The following PTPRD variants were observed in gnomAD, a reference collection of about 807,000 sequenced individuals.
PTPRD encodes protein tyrosine phosphatase receptor type D, also known as receptor-type tyrosine-protein phosphatase delta.
In PTPRD, 34 loss-of-function variants were observed where a neutral mutation model predicts 214.5. The observed-to-expected ratio is 0.16, with a 90% CI of 0.12 to 0.21. PTPRD has a LOEUF of 0.21. Among genes scored for constraint, PTPRD ranks in the 10% least tolerant of loss-of-function variants. PTPRD has a pLI of 1.00. For synonymous variants in PTPRD, 1,128 were observed against 845.7 expected, an observed-to-expected ratio of 1.33 and a Z score of -5.79; for missense variants, 2,545 against 2,398.7, an observed-to-expected ratio of 1.06 and a Z score of -1.27.
chr9:9,971,314 A>G (rs1447472595), intron 4 of PTPRD, among the ~76,000 whole-genome samples: 2 of 152,226 alleles, frequency 1.3e-5, no homozygotes, highest in Non-Finnish European at 2.9e-5. Context: ...GGTCTGGAGT[A>G]GAAACCAGGT....
rs182084258 is a variant in PTPRD at position 9,823,428 on chromosome 9, A to G, written c.-367-56577T>C. On this transcript the variant is annotated intron_variant, in intron 5 of 45. Transcript: ENST00000381196. Reference sequence around the variant, plus strand: ...CACAAGCCTGGAGGGATCTGTCCCCATGACCCAAACACCTCCCACTAGGCC... The same window carrying G: ...CACAAGCCTGGAGGGATCTGTCCCCGTGACCCAAACACCTCCCACTAGGCC... Among the ~76,000 whole-genome samples the G allele has an allele frequency of 3.1e-3, 470 of 152,238 alleles. 1 individual carries two copies. The highest frequency in any genetic ancestry group is 5.1e-3 in the Non-Finnish European group (349 of 68,008).
intron 4 of PTPRD, among the ~76,000 whole-genome samples, chr9:9,960,333 A>C (rs917710404): frequency 5.9e-5 from 9 of 152,122 alleles, no homozygotes; most frequent in African/African-American, 2.2e-4. Flanking sequence ...GTGATGAGGA[A>C]AACAACCCAC....
At chr9:10,217,637 A>G (rs1266347324) in intron 3 of PTPRD, among the ~76,000 whole-genome samples, 1 of 151,958 alleles carries the variant, frequency 6.6e-6, no homozygotes, top group South Asian at 2.1e-4. Flanking sequence ...AGAGGAAAAA[A>G]TGAAATTTAA....
At chr9:9,406,290 C>T (rs549935497) in intron 8 of PTPRD, among the ~76,000 whole-genome samples, 9 of 152,030 alleles carry the variant, frequency 5.9e-5, no homozygotes, top group African/African-American at 1.9e-4. Context: ...CTTCTTTTGT[C>T]TCTGTCTTTC....
chr9:9,416,889 T>C (rs1391735152), intron 8 of PTPRD, among the ~76,000 whole-genome samples: 1 of 151,784 alleles, frequency 6.6e-6, no homozygotes, highest in African/African-American at 2.4e-5. Flanking sequence ...TTTTCAGATG[T>C]TCACTGGGAA....
rs1470976442 is a variant in PTPRD, at chr9:10,272,494, C to G, written c.-545+68469G>C. ...CATGGATTGCTTTGTTTTTTGAAAA[C>G]AGGATAACTCACTGTTAAACACATA... On this transcript the variant is annotated intron_variant, in intron 3 of 45. Transcript: ENST00000381196. Among the ~76,000 whole-genome samples the G allele has an allele frequency of 2.6e-5, 4 of 152,206 alleles. No homozygotes were observed. The South Asian group carries it at 8.3e-4, about 32-fold the overall frequency.
At chr9:10,320,600 TA>T (rs1442074789) in intron 3 of PTPRD, among the ~76,000 whole-genome samples, 1 of 152,048 alleles carries the variant, frequency 6.6e-6, no homozygotes, top group Non-Finnish European at 1.5e-5. Flanking sequence ...AACCCTGCAA[TA>T]TGAGAGGTCT....
intron 7 of PTPRD, among the ~76,000 whole-genome samples, chr9:9,680,850 G>A (rs1227126005): frequency 1.3e-5 from 2 of 151,784 alleles, no homozygotes; most frequent in Non-Finnish European, 2.9e-5. Flanking sequence ...TCTTGTGGGT[G>A]AGCTGAAGGA....
intron 2 of PTPRD, among the ~76,000 whole-genome samples, chr9:10,353,245 G>C (rs1220213321): frequency 1.3e-5 from 2 of 151,876 alleles, no homozygotes; most frequent in Admixed American, 6.6e-5. Context: ...TAATGGTGTT[G>C]AGGTAGTCCT....
intron 8 of PTPRD, among the ~76,000 whole-genome samples, chr9:9,462,067 T>A (rs1016968750): frequency 2.6e-5 from 4 of 152,180 alleles, no homozygotes; most frequent in Non-Finnish European, 5.9e-5. Flanking sequence ...ATAATATCTA[T>A]GTCTTGTTTG....
intron 7 of PTPRD, among the ~76,000 whole-genome samples, chr9:9,630,520 TG>T (rs1436217459): frequency 6.6e-6 from 1 of 152,188 alleles, no homozygotes; most frequent in Non-Finnish European, 1.5e-5. Context: ...AATTGTAAAC[TG>T]AACTAGAATT....
intron 9 of PTPRD, among the ~76,000 whole-genome samples, chr9:9,260,507 CT>C (rs1361858781): frequency 5.3e-5 from 8 of 151,930 alleles, no homozygotes; most frequent in African/African-American, 1.9e-4. Context: ...GCTGCTTTTT[CT>C]AGGCTAGTTT....
intron 9 of PTPRD, among the ~76,000 whole-genome samples, chr9:9,343,313 C>T (rs1164570856): frequency 1.3e-5 from 2 of 152,096 alleles, no homozygotes; most frequent in African/African-American, 4.8e-5. Context: ...AACTGTCTTC[C>T]TCAATGGTTA....
chr9:8,751,801 T>C (rs1027755878), intron 11 of PTPRD, among the ~76,000 whole-genome samples: 1 of 152,200 alleles, frequency 6.6e-6, no homozygotes, highest in African/African-American at 2.4e-5. Flanking sequence ...CTACCAGTAT[T>C]TAACCCTCTG....
chr9:10,095,485 C>T (rs1247890588), intron 3 of PTPRD, among the ~76,000 whole-genome samples: 5 of 151,456 alleles, frequency 3.3e-5, no homozygotes, highest in African/African-American at 1.2e-4. Context: ...TGAATGCAGT[C>T]TTATCCCTTC....
chr9:8,449,586 G>A, intron 34 of PTPRD, 139 bp downstream of exon 34: 4 of 732,942 alleles, frequency 5.5e-6, no homozygotes, highest in Admixed American at 3.3e-5. Context: ...GCTTGGGCAA[G>A]TCTCCATAAT....
intron 7 of PTPRD, among the ~76,000 whole-genome samples, chr9:9,611,406 T>C (rs1270736135): frequency 2.6e-5 from 4 of 152,114 alleles, no homozygotes; most frequent in Non-Finnish European, 5.9e-5. Flanking sequence ...AAATAAATAG[T>C]ATATAATTGT....
chr9:10,410,270 T>TATATATATATATATATATAC (rs532202941), intron 2 of PTPRD, among the ~76,000 whole-genome samples: 1 of 139,852 alleles, frequency 7.2e-6, no homozygotes, highest in Admixed American at 7.4e-5. Context: ...TATATATATA[T>TATATATATATATATATATAC]ACACACACAC....
chr9:9,029,141 T>C (rs1027590389), intron 10 of PTPRD, among the ~76,000 whole-genome samples: 12 of 152,038 alleles, frequency 7.9e-5, no homozygotes, highest in Non-Finnish European at 1.6e-4. Flanking sequence ...TGGGTAAATA[T>C]AACAATATTA....
Sources: gnomAD v4.1 joint callset for allele counts (sites outside exome capture counted in the v4.1 genomes callset) on GRCh38, gnomAD v4.1.1 for gene constraint, MANE v1.5 for transcripts, NCBI Gene and HGNC (gene_info 2026-07-23, HGNC 2026-07-21) for gene names.